CDH12: variants seen among roughly 807,000 people sequenced by gnomAD.
CDH12 encodes the protein cadherin-12.
Under a neutral mutation model 74.1 loss-of-function variants are expected in CDH12, and 41 were observed. That is an observed-to-expected ratio of 0.55 (90% CI 0.43 to 0.72). The LOEUF is 0.72. Among genes scored for constraint, CDH12 ranks in the 30% least tolerant of loss-of-function variants. The probability of loss-of-function intolerance (pLI) is 0.00; values close to 1 mark genes in which losing one functional copy is unlikely to be tolerated. For synonymous variants in CDH12, 399 were observed against 355.0 expected, an observed-to-expected ratio of 1.12 and a Z score of -1.39; for missense variants, 945 against 977.2, an observed-to-expected ratio of 0.97 and a Z score of 0.44.
At chr5:22,043,698 ACT>A (rs1226797657) in intron 5 of CDH12, among the ~76,000 whole-genome samples, 1 of 150,866 alleles carries the variant, frequency 6.6e-6, no homozygotes, top group African/African-American at 2.4e-5. Context: ...AATCCCAAAA[ACT>A]CTATGAAAAA....
At chr5:22,487,364 T>C (rs1746651294) in intron 2 of CDH12, among the ~76,000 whole-genome samples, 1 of 152,068 alleles carries the variant, frequency 6.6e-6, no homozygotes, top group Admixed American at 6.6e-5. Context: ...GAGTATATAG[T>C]GGACAACAAG....
At chr5:22,094,953 C>T (rs974348733) in intron 4 of CDH12, among the ~76,000 whole-genome samples, 2 of 152,192 alleles carry the variant, frequency 1.3e-5, no homozygotes, top group Non-Finnish European at 2.9e-5. Context: ...CCCCTATCTC[C>T]CTTTGCTGAC....
chr5:22,407,176 A>C (rs1302598178), intron 2 of CDH12, among the ~76,000 whole-genome samples: 4 of 152,086 alleles, frequency 2.6e-5, no homozygotes, highest in South Asian at 4.1e-4. Context: ...GGTGCCATTG[A>C]CATCTCAAAC....
At chr5:21,761,729 A>G (rs1024746759) in intron 12 of CDH12, among the ~76,000 whole-genome samples, 2 of 138,150 alleles carry the variant, frequency 1.4e-5, no homozygotes, top group African/African-American at 5.3e-5. Context: ...AGGTAGATGG[A>G]TGGATGGATA....
At chr5:21,972,806 G>A (rs1756908285) in intron 6 of CDH12, among the ~76,000 whole-genome samples, 1 of 151,952 alleles carries the variant, frequency 6.6e-6, no homozygotes, top group African/African-American at 2.4e-5. Context: ...GTACTTACTT[G>A]AAAAGTGTAT....
chr5:21,877,415 T>A (rs1751995396), intron 6 of CDH12, among the ~76,000 whole-genome samples: 1 of 152,178 alleles, frequency 6.6e-6, no homozygotes, highest in Non-Finnish European at 1.5e-5. Context: ...TATTTATTTA[T>A]CTATTTATTT....
chr5:22,314,332 T>C (rs535380693), intron 3 of CDH12, among the ~76,000 whole-genome samples: 1 of 152,312 alleles, frequency 6.6e-6, no homozygotes, highest in African/African-American at 2.4e-5. Flanking sequence ...AGATAAGCTC[T>C]TTGAAGAGGT....
chr5:21,940,247 G>T (rs984755903), intron 6 of CDH12, among the ~76,000 whole-genome samples: 8 of 151,828 alleles, frequency 5.3e-5, no homozygotes, highest in Non-Finnish European at 8.8e-5. Flanking sequence ...AAAAGTTATA[G>T]AAATAAATAT....
chr5:22,563,468 T>G (rs1739156687), intron 1 of CDH12, among the ~76,000 whole-genome samples: 1 of 152,160 alleles, frequency 6.6e-6, no homozygotes, highest in Non-Finnish European at 1.5e-5. Flanking sequence ...TTATATATTC[T>G]GGTTGTTAAT....
chr5:22,454,540 C>T (rs1745189835), intron 2 of CDH12, among the ~76,000 whole-genome samples: 1 of 152,052 alleles, frequency 6.6e-6, no homozygotes, highest in African/African-American at 2.4e-5. Context: ...GTGGTGTTCT[C>T]TCAGCTCACT....
chr5:22,279,622 C>A (rs567994255), intron 3 of CDH12, among the ~76,000 whole-genome samples: 1 of 151,958 alleles, frequency 6.6e-6, no homozygotes. Context: ...TGAGAACATG[C>A]GCTGTTTGGG....
intron 3 of CDH12, among the ~76,000 whole-genome samples, chr5:22,306,794 T>C (rs1287616042): frequency 6.6e-6 from 1 of 152,150 alleles, no homozygotes; most frequent in African/African-American, 2.4e-5. Flanking sequence ...AAGATACTTA[T>C]AAATATTAGG....
At chr5:21,890,960 G>A (rs190814344) in intron 6 of CDH12, among the ~76,000 whole-genome samples, 25 of 152,084 alleles carry the variant, frequency 1.6e-4, no homozygotes, top group South Asian at 8.3e-4. Flanking sequence ...GGTTGTCAAC[G>A]TTATCCAAAG....
chr5:22,081,715 G>A (rs1319651921), intron 4 of CDH12, among the ~76,000 whole-genome samples: 1 of 152,158 alleles, frequency 6.6e-6, no homozygotes, highest in East Asian at 1.9e-4. Flanking sequence ...TTGGACATAT[G>A]ACAACATTCA....
chr5:22,145,382 C>T (rs542742337), intron 4 of CDH12, among the ~76,000 whole-genome samples: 49 of 152,034 alleles, frequency 3.2e-4, no homozygotes, highest in Non-Finnish European at 5.2e-4. Context: ...TTTGTCAGCT[C>T]GTTCATGAAA....
chr5:22,838,412 G>T (rs1736927402), intron 1 of CDH12, among the ~76,000 whole-genome samples: 1 of 152,028 alleles, frequency 6.6e-6, no homozygotes, highest in South Asian at 2.1e-4. Flanking sequence ...CCACCTTCCA[G>T]ACTCTCACTT....
rs185621381 is a variant in CDH12 at position 21,982,995 on chromosome 5, G to C, written c.232-7610C>G. Reference sequence around the variant, plus strand: ...TTCACTACATGCCTCTCTTTGGGAGGCTTCTTTCTTGCTAATCCAAACAAG... The same window carrying C: ...TTCACTACATGCCTCTCTTTGGGAGCCTTCTTTCTTGCTAATCCAAACAAG... On this transcript the variant is annotated intron_variant, in intron 5 of 14. Transcript: ENST00000382254. 2.4e-4 allele frequency among the ~76,000 whole-genome samples: 37 copies of C among 152,010 alleles called. 1 individual carries two copies. The East Asian group carries it at 3.7e-3, about 15-fold the overall frequency.
At chr5:22,529,036 C>CAT (rs771278898) in intron 1 of CDH12, among the ~76,000 whole-genome samples, 1 of 151,096 alleles carries the variant, frequency 6.6e-6, no homozygotes, top group African/African-American at 2.4e-5. Context: ...TGCATATATG[C>CAT]ATATATATGC....
rs1415318611 is a variant in CDH12, at chr5:22,153,891, T to TAA, written c.-187+58606_-187+58607insTT. Among the ~76,000 whole-genome samples, 265 of 32,068 alleles carry TAA rather than the reference T, an allele frequency of 8.3e-3. 1 individual carries two copies. The highest frequency in any genetic ancestry group is 0.018 in the African/African-American group (253 of 14,172). 21.0% of individuals were successfully genotyped at this position (32,068 alleles called of 152,430 possible). On this transcript the variant is annotated intron_variant, in intron 4 of 14. Coordinates refer to ENST00000382254, the MANE Select transcript of CDH12 (RefSeq NM_004061.5). ...ATATATGTATATATATATATATAAA[T>TAA]ATATATATATATACACACACATACA... is the stretch of plus-strand genomic sequence containing the variant.
Sources: gnomAD v4.1 joint callset for allele counts (sites outside exome capture counted in the v4.1 genomes callset) on GRCh38, gnomAD v4.1.1 for gene constraint, MANE v1.5 for transcripts, NCBI Gene and HGNC (gene_info 2026-07-23, HGNC 2026-07-21) for gene names.